STOX2: variants seen among roughly 807,000 people sequenced by gnomAD.
The protein encoded by STOX2 is storkhead-box protein 2.
STOX2 carries 28 observed loss-of-function variants against 60.9 expected under a neutral mutation model. The ratio of observed to expected loss-of-function variants is 0.46; its 90% CI spans 0.34 to 0.63. The LOEUF is 0.63. STOX2 is among the 30% of genes least tolerant of loss of function. The pLI is 0.01. For missense variants in STOX2, 1,024 were observed against 1,187.7 expected (o/e 0.86, Z 2.03); for synonymous variants, 472 against 463.9 (o/e 1.02, Z -0.22).
rs1740031919 is a variant in STOX2 at position 183,848,303 on chromosome 4, C to G, written c.364+50248C>G. 2.6e-5 allele frequency among the ~76,000 whole-genome samples: 4 copies of G among 152,190 alleles called. No individual in the cohort carries two copies. The South Asian group carries it at 8.3e-4, about 32-fold the overall frequency. On this transcript the variant is annotated intron_variant, in intron 1 of 2. Coordinates refer to the STOX2 transcript ENST00000513034. ...GCTTCTATATTCTCAGTTGTTGCCT[C>G]TTGATCTCAAGATGGTTGCTGTAGC...
intron 1 of STOX2, among the ~76,000 whole-genome samples, chr4:183,864,323 TA>T (rs1331495510): frequency 2.0e-5 from 3 of 152,284 alleles, no homozygotes; most frequent in Non-Finnish European, 4.4e-5. Context: ...TACTTTGGAT[TA>T]AAAAAACTAA....
chr4:183,969,210 G>A (rs73008331), intron 1 of STOX2, among the ~76,000 whole-genome samples: 4,827 of 152,238 alleles, frequency 0.032, 86 homozygotes, highest in Admixed American at 0.064. Context: ...ATCAGTGTAC[G>A]TGTTACATGA....
upstream of STOX2, among the ~76,000 whole-genome samples, chr4:183,900,991 T>G (rs1367758252): frequency 6.6e-6 from 1 of 152,204 alleles, no homozygotes; most frequent in Admixed American, 6.5e-5. Context: ...CGACCATCTA[T>G]CTCCGTAATT....
intron 1 of STOX2, among the ~76,000 whole-genome samples, chr4:183,871,748 T>C (rs1054313281): frequency 6.6e-6 from 1 of 152,168 alleles, no homozygotes; most frequent in African/African-American, 2.4e-5. Flanking sequence ...GGCCCAGTTC[T>C]TTTTAGGGGA....
At chr4:183,890,835 C>T (rs1250687233) in intron 1 of STOX2, among the ~76,000 whole-genome samples, 4 of 152,028 alleles carry the variant, frequency 2.6e-5, no homozygotes, top group South Asian at 2.1e-4. Flanking sequence ...AGGCTGGTTG[C>T]GGTGGCTCAT....
At chr4:183,984,156 G>A (rs1193265692) in intron 1 of STOX2, among the ~76,000 whole-genome samples, 3 of 152,212 alleles carry the variant, frequency 2.0e-5, no homozygotes, top group Non-Finnish European at 4.4e-5. Flanking sequence ...CACTTTCAGG[G>A]ATATACCTGT....
At chr4:183,852,560 A>AAAGGATGAGG (rs1740180244) in intron 1 of STOX2, among the ~76,000 whole-genome samples, 3 of 94,614 alleles carry the variant, frequency 3.2e-5, no homozygotes, top group Admixed American at 1.1e-4. Context: ...AAAGGATGAG[A>AAAGGATGAGG]GAAAGGATGA....
chr4:183,947,097 G>A (rs567043095), intron 1 of STOX2, among the ~76,000 whole-genome samples: 2 of 151,874 alleles, frequency 1.3e-5, no homozygotes, highest in East Asian at 1.9e-4. Context: ...GGGGCAAGGG[G>A]GCTCCTGGAA....
chr4:183,886,155 G>C (rs1180467737), intron 1 of STOX2, among the ~76,000 whole-genome samples: 5 of 93,484 alleles, frequency 5.3e-5, no homozygotes, highest in African/African-American at 1.3e-4. Context: ...GGTATAGGCA[G>C]ATGCAAGATC....
chr4:183,981,144 T>G (rs1732646544), intron 1 of STOX2, among the ~76,000 whole-genome samples: 1 of 152,228 alleles, frequency 6.6e-6, no homozygotes, highest in Non-Finnish European at 1.5e-5. Context: ...GGCCATACAC[T>G]GGCAGGTTTA....
intron 1 of STOX2, among the ~76,000 whole-genome samples, chr4:183,847,212 C>CA (rs1023966511): frequency 5.3e-5 from 8 of 152,316 alleles, no homozygotes; most frequent in African/African-American, 1.9e-4. Flanking sequence ...AGCTCAGTGC[C>CA]ATCTCAGGTC....
intron 1 of STOX2, among the ~76,000 whole-genome samples, chr4:183,850,399 T>A (rs555609303): frequency 1.3e-5 from 2 of 152,330 alleles, no homozygotes; most frequent in East Asian, 3.9e-4. Flanking sequence ...TGATTTTCAT[T>A]TATAGTAATT....
In STOX2 at chr4:183,906,960, G is replaced by C. The variant is rs1169084396; in HGVS notation, c.166+4G>C. The C allele has an allele frequency of 6.6e-7, 1 of 1,525,192 alleles. No homozygotes were observed. Among genetic ancestry groups the C allele is most frequent in the South Asian group, 1.2e-5 (1 of 81,826 alleles). The allele number at this position is 1,525,192 out of a possible 1,614,324, so 94.5% of individuals were successfully genotyped here. A position where few individuals can be genotyped will look rare whatever the true frequency, so the allele number is the denominator to read the frequency against. The stretch of plus-strand genomic sequence containing the variant: ...TCGCGGGGCTACATGACATCAGGTT[G>C]GTTGGTGACCGCGTTTCTGCCCCCG... On this transcript the variant is annotated splice_donor_region_variant and intron_variant, in intron 1 of 3. Coordinates refer to ENST00000308497, the MANE Select transcript of STOX2 (RefSeq NM_020225.3).
chr4:183,967,766 G>A (rs1034179561), intron 1 of STOX2, among the ~76,000 whole-genome samples: 1 of 152,126 alleles, frequency 6.6e-6, no homozygotes, highest in South Asian at 2.1e-4. Flanking sequence ...ATCAACTTTG[G>A]GTTATGAAAA....
intron 1 of STOX2, among the ~76,000 whole-genome samples, chr4:183,811,839 ATTTC>A (rs1181090273): frequency 1.3e-5 from 2 of 151,898 alleles, no homozygotes; most frequent in East Asian, 1.9e-4. Flanking sequence ...AAGCTCCAAA[ATTTC>A]TTTGTTTTCT....
intron 1 of STOX2, among the ~76,000 whole-genome samples, chr4:183,942,661 T>C (rs531795807): frequency 6.6e-5 from 10 of 152,330 alleles, no homozygotes; most frequent in African/African-American, 2.4e-4. Flanking sequence ...AGAAGAGCTC[T>C]TGTTTGTAAA....
chr4:183,879,869 G>A (rs1362487938), intron 1 of STOX2, among the ~76,000 whole-genome samples: 2 of 152,076 alleles, frequency 1.3e-5, no homozygotes, highest in Non-Finnish European at 2.9e-5. Flanking sequence ...AATGAGAGGC[G>A]ATAGTACGAC....
chr4:183,926,725 G>A (rs1334404661), intron 1 of STOX2, among the ~76,000 whole-genome samples: 1 of 152,062 alleles, frequency 6.6e-6, no homozygotes, highest in Admixed American at 6.6e-5. Flanking sequence ...CCGGGTTCAA[G>A]CAGTTCTCCT....
chr4:183,941,901 T>A (rs1303213296), intron 1 of STOX2, among the ~76,000 whole-genome samples: 1 of 152,168 alleles, frequency 6.6e-6, no homozygotes, highest in Non-Finnish European at 1.5e-5. Context: ...CTTATTGACA[T>A]TTATCACTTC....
Sources: allele counts gnomAD v4.1 joint callset (sites outside exome capture counted in the v4.1 genomes callset), GRCh38; gene constraint gnomAD v4.1.1; transcripts MANE v1.5; gene names NCBI Gene and HGNC (gene_info 2026-07-23, HGNC 2026-07-21).